Variants in CDK6 observed in about 807,000 individuals in gnomAD.
CDK6 encodes the protein cyclin-dependent kinase 6.
A neutral mutation model predicts 37.1 loss-of-function variants in CDK6; 6 were observed. That is an observed-to-expected ratio of 0.16 (90% confidence interval 0.09 to 0.32). The LOEUF (loss-of-function observed/expected upper bound fraction) is 0.32, where lower values mean the gene tolerates loss of function less well. Ranked by LOEUF, CDK6 falls within the 10% of genes least tolerant of loss-of-function variation. The pLI is 1.00. For synonymous variants in CDK6, 160 were observed against 161.3 expected, an observed-to-expected ratio of 0.99 and a Z score of 0.06; for missense variants, 224 against 418.9, an observed-to-expected ratio of 0.53 and a Z score of 4.06.
intron 5 of CDK6, among the ~76,000 whole-genome samples, chr7:92,669,394 T>C (rs1562930238): frequency 1.3e-5 from 2 of 152,250 alleles, no homozygotes; most frequent in African/African-American, 4.8e-5. Context: ...TCTACATATA[T>C]AAAATTTTAT....
intron 7 of CDK6, among the ~76,000 whole-genome samples, chr7:92,615,798 G>T (rs1795662835): frequency 6.6e-6 from 1 of 152,166 alleles, no homozygotes; most frequent in Admixed American, 6.5e-5. Context: ...GAATGAGCTG[G>T]TGCCTGCGCT....
chr7:92,804,527 C>T lies in CDK6; in HGVS notation c.233+28564G>A, dbSNP rs1800671683. 2.0e-5 allele frequency among the ~76,000 whole-genome samples: 3 copies of T among 152,148 alleles called. 1 individual carries two copies. The South Asian group carries it at 6.2e-4, about 32-fold the overall frequency. ...TTACTCTTGGTTTTCCTCTTCTTGC[C>T]TATTGATGGTAATGAAAAATACTAA... is the stretch of plus-strand genomic sequence containing the variant. On this transcript the variant is annotated intron_variant, in intron 2 of 7. Coordinates refer to ENST00000424848, the MANE Select transcript of CDK6 (RefSeq NM_001145306.2).
At chr7:92,642,172 C>T (rs1402429256) in intron 5 of CDK6, among the ~76,000 whole-genome samples, 1 of 152,140 alleles carries the variant, frequency 6.6e-6, no homozygotes, top group Non-Finnish European at 1.5e-5. Flanking sequence ...CCAACTCCTC[C>T]TTGTGGAGGA....
At chr7:92,668,440 G>A (rs1363184265) in intron 5 of CDK6, among the ~76,000 whole-genome samples, 3 of 152,104 alleles carry the variant, frequency 2.0e-5, no homozygotes, top group African/African-American at 4.8e-5. Flanking sequence ...AAAAACCTAC[G>A]TAAATAATAG....
At position 92,713,381 on chromosome 7, in the gene CDK6, T is replaced by G. The variant is rs112616573; in HGVS notation, c.537+12245A>C. On this transcript the variant is annotated intron_variant, in intron 4 of 7. Coordinates refer to ENST00000424848, the MANE Select transcript of CDK6 (RefSeq NM_001145306.2). ...AACTTTGCCAAAGCCCATATGCAAA[T>G]TACTTGATTTTACATATTTGATTTT... Among the ~76,000 whole-genome samples the G allele has an allele frequency of 5.6e-3, 860 of 152,314 alleles. 11 individuals are homozygous for G. The highest frequency in any genetic ancestry group is 0.02 in the African/African-American group (824 of 41,576).
At position 92,748,781 on chromosome 7, in the gene CDK6, G is replaced by A. The variant is rs1475058494; in HGVS notation, c.370-22988C>T. On this transcript the variant is annotated intron_variant, in intron 3 of 7. Coordinates refer to ENST00000424848, the MANE Select transcript of CDK6 (RefSeq NM_001145306.2). ...ATCTAGTTGAGGCACTGCTTCCTGA[G>A]GCCCCATGGAAGGCAAATATATGAC... Among the ~76,000 whole-genome samples, 5 of 152,212 alleles carry A rather than the reference G, an allele frequency of 3.3e-5. No individual in the cohort carries two copies. The East Asian group carries it at 9.7e-4, about 29-fold the overall frequency.
At chr7:92,677,697 C>T (rs1797237885) in intron 4 of CDK6, among the ~76,000 whole-genome samples, 1 of 152,168 alleles carries the variant, frequency 6.6e-6, no homozygotes, top group Non-Finnish European at 1.5e-5. Flanking sequence ...TAATATTATT[C>T]TATATATCAA....
At chr7:92,803,535 T>C (rs1352765162) in intron 2 of CDK6, among the ~76,000 whole-genome samples, 5 of 152,020 alleles carry the variant, frequency 3.3e-5, no homozygotes, top group Admixed American at 3.3e-4. Flanking sequence ...CAGGCTCCGT[T>C]TGAGAGCCAT....
At chr7:92,821,488 T>C (rs905893717) in intron 2 of CDK6, among the ~76,000 whole-genome samples, 1 of 151,860 alleles carries the variant, frequency 6.6e-6, no homozygotes, top group African/African-American at 2.4e-5. Flanking sequence ...ACCAGAAAAA[T>C]TGCTTTAATA....
At chr7:92,752,642 TATTA>T (rs1396593242) in intron 3 of CDK6, among the ~76,000 whole-genome samples, 1 of 152,224 alleles carries the variant, frequency 6.6e-6, no homozygotes. Flanking sequence ...ATACAGTCAC[TATTA>T]ATTAATGCCA....
At chr7:92,668,499 G>C (rs1797007623) in intron 5 of CDK6, among the ~76,000 whole-genome samples, 1 of 152,152 alleles carries the variant, frequency 6.6e-6, no homozygotes, top group African/African-American at 2.4e-5. Flanking sequence ...GATAAAGAAA[G>C]GACAAAATTT....
chr7:92,735,256 A>G (rs1256107473), intron 3 of CDK6, among the ~76,000 whole-genome samples: 26 of 151,884 alleles, frequency 1.7e-4, no homozygotes. Flanking sequence ...CAGATTTTTT[A>G]TTTCATTTTT....
chr7:92,757,497 T>C (rs942035842), intron 3 of CDK6, among the ~76,000 whole-genome samples: 1 of 152,250 alleles, frequency 6.6e-6, no homozygotes, highest in Non-Finnish European at 1.5e-5. Context: ...TTCATTTTTA[T>C]GGCTGCATAG....
chr7:92,641,705 A>C (rs1200346266), intron 5 of CDK6, among the ~76,000 whole-genome samples: 1 of 152,220 alleles, frequency 6.6e-6, no homozygotes, highest in Non-Finnish European at 1.5e-5. Flanking sequence ...CTGATCCTAC[A>C]TGGTTCAGGA....
At chr7:92,831,654 C>T (rs540565480) in intron 2 of CDK6, among the ~76,000 whole-genome samples, 3 of 152,318 alleles carry the variant, frequency 2.0e-5, no homozygotes, top group African/African-American at 7.2e-5. Flanking sequence ...TTCTAAAACA[C>T]TCATTCTCCT....
At position 92,834,686 on chromosome 7, in the gene CDK6, TG is replaced by T. The variant is rs369432610; in HGVS notation, c.-367-997del. ...AACCTCCCTTTCAAAGGGTGGGGGG[TG>T]GGGGGTTAAATCCTGCGCCTCCAGG... On this transcript the variant is annotated intron_variant, in intron 1 of 7. Transcript: ENST00000424848. This position sits in a 1 kb window ranked among gnomAD's most constrained non-coding sequence, Gnocchi z 4.6. Among the ~76,000 whole-genome samples the T allele has an allele frequency of 1.0e-4, 11 of 104,940 alleles. No individual in the cohort carries two copies. Among genetic ancestry groups the T allele is most frequent in the African/African-American group, 4.0e-4 (11 of 27,744 alleles). The allele number at this position is 104,940 out of a possible 152,430, so 68.8% of individuals were successfully genotyped here.
In CDK6 at chr7:92,699,383, T is replaced by C. The variant is rs569843092; in HGVS notation, c.537+26243A>G. 2.0e-5 allele frequency among the ~76,000 whole-genome samples: 3 copies of C among 152,362 alleles called. No homozygotes were observed. In the South Asian group the frequency reaches 6.2e-4, roughly 32 times the overall value. On this transcript the variant is annotated intron_variant, in intron 4 of 7. Transcript: ENST00000424848. ...AAAAAGATAAGTTGATTTCTATAAA[T>C]ACTAATAATGCCTCTTGGTAACAGG...
chr7:92,696,451 G>C (rs1311107656), intron 4 of CDK6, among the ~76,000 whole-genome samples: 1 of 152,090 alleles, frequency 6.6e-6, no homozygotes, highest in Non-Finnish European at 1.5e-5. Context: ...ATGCTAAGAA[G>C]ATCCTACAAA....
intron 2 of CDK6, among the ~76,000 whole-genome samples, chr7:92,821,067 T>C (rs1405000339): frequency 6.6e-6 from 1 of 152,072 alleles, no homozygotes; most frequent in African/African-American, 2.4e-5. Flanking sequence ...TGAACTCAAA[T>C]ATAAACAACA....
Sources: gnomAD v4.1 joint callset for allele counts (sites outside exome capture counted in the v4.1 genomes callset) on GRCh38, gnomAD v4.1.1 for gene constraint, Gnocchi (gnomAD v3.1) non-coding constraint, MANE v1.5 for transcripts, NCBI Gene and HGNC (gene_info 2026-07-23, HGNC 2026-07-21) for gene names.